Variants in LRP1B observed in about 807,000 individuals in gnomAD.
LRP1B encodes the protein LDL receptor related protein 1B.
LRP1B carries 217 observed loss-of-function variants against 556.6 expected under a neutral mutation model. That is an observed-to-expected ratio of 0.39 (90% confidence interval 0.35 to 0.44). LRP1B has a LOEUF of 0.44. Among genes scored for constraint, LRP1B ranks in the 20% least tolerant of loss-of-function variants. The probability of loss-of-function intolerance (pLI) is 1.00; values close to 1 mark genes in which losing one functional copy is unlikely to be tolerated. For synonymous variants in LRP1B, 2,047 were observed against 1,865.8 expected (o/e 1.10, Z -2.50); for missense variants, 5,053 against 5,620.8 (o/e 0.90, Z 3.23).
At chr2:142,019,777 T>G (rs753281155) in intron 1 of LRP1B, among the ~76,000 whole-genome samples, 4 of 152,296 alleles carry the variant, frequency 2.6e-5, no homozygotes, top group Admixed American at 6.5e-5. Flanking sequence ...TGGATTACTC[T>G]GCCCCAGCCA....
At chr2:141,242,923 A>G (rs1203621226) in intron 5 of LRP1B, among the ~76,000 whole-genome samples, 1 of 152,124 alleles carries the variant, frequency 6.6e-6, no homozygotes, top group African/African-American at 2.4e-5. Context: ...CAAGTTCTAC[A>G]TGAGCCTGCT....
intron 1 of LRP1B, among the ~76,000 whole-genome samples, chr2:141,969,949 T>C (rs564156539): frequency 3.3e-5 from 5 of 151,772 alleles, no homozygotes; most frequent in African/African-American, 1.2e-4. Flanking sequence ...CACTTATCTT[T>C]CATCTTTTTG....
At chr2:141,231,798 T>A (rs1187879515) in intron 5 of LRP1B, among the ~76,000 whole-genome samples, 1 of 152,158 alleles carries the variant, frequency 6.6e-6, no homozygotes, top group Admixed American at 6.5e-5. Context: ...CCTGTCTGCC[T>A]TTAACAAGAC....
intron 2 of LRP1B, among the ~76,000 whole-genome samples, chr2:141,644,968 CAT>C (rs1299732910): frequency 6.6e-6 from 1 of 152,076 alleles, no homozygotes; most frequent in African/African-American, 2.4e-5. Flanking sequence ...TTTAGGGAAA[CAT>C]AGCCTTTGAG....
At position 140,868,132 on chromosome 2, in the gene LRP1B, T is replaced by C; in HGVS notation, c.4301A>G (p.His1434Arg). The C allele has an allele frequency of 6.2e-7, 1 of 1,607,980 alleles. No homozygotes were observed. Among genetic ancestry groups the C allele is most frequent in the Non-Finnish European group, 8.5e-7 (1 of 1,177,648 alleles). The change falls in exon 26 of 91, where the codon CAC becomes CGC. Residue 1434 changes from histidine (H) to arginine (R), a missense_variant. Physicochemically the swap from His to Arg is conservative, Grantham distance 29 (BLOSUM62 0). Transcript: ENST00000389484. ...TGTCCACACTATCCTTTTCTCAAAGTGGTCCACAGTTAGTCCATTAGGCCA... is the reference window on the plus strand; with the variant it reads ...TGTCCACACTATCCTTTTCTCAAAGCGGTCCACAGTTAGTCCATTAGGCCA... ...GAWPNGLTVD[H>R]FEKRIVWTDA...
Position 140,883,995 on chromosome 2 carries a change from C to T in LRP1B, c.3991G>A (p.Glu1331Lys), listed in dbSNP as rs762656238. 6.8e-6 allele frequency: 11 copies of T among 1,612,612 alleles called. No individual in the cohort carries two copies. In the African/African-American group the frequency reaches 8.0e-5, roughly 12 times the overall value. Residue 1331 changes from glutamate to lysine, a missense_variant, in exon 25 of 91, where the codon GAG becomes AAG. By Grantham distance (56) the Glu-to-Lys change is moderately conservative. This residue lies in a region of LRP1B where 3,619 missense variants were observed against 3,931.9 expected (regional missense o/e 0.92). Coordinates refer to ENST00000389484, the MANE Select transcript of LRP1B (RefSeq NM_018557.3). ...GGVSAIEVVVEHGLATPEGLT... is the reference protein window; with the variant it reads ...GGVSAIEVVVKHGLATPEGLT... ...CCTTCTGGAGTAGCCAGGCCATGCT[C>T]CACAACCACTTCAATGGCACTGACA...
chr2:140,261,094 T>C (rs1681917310), intron 86 of LRP1B, among the ~76,000 whole-genome samples: 1 of 151,508 alleles, frequency 6.6e-6, no homozygotes, highest in Non-Finnish European at 1.5e-5. Context: ...AGAAAGGAGA[T>C]GTTAACAGTG....
intron 3 of LRP1B, chr2:141,286,731 A>G: frequency 2.2e-6 from 1 of 447,082 alleles, no homozygotes; most frequent in Non-Finnish European, 4.5e-6. Context: ...TTATTCAATG[A>G]ATTTGTACAT....
chr2:140,990,520 T>C (rs1429368), intron 16 of LRP1B, among the ~76,000 whole-genome samples: 64,555 of 151,564 alleles, frequency 0.43, 14,639 homozygotes, highest in East Asian at 0.61. Context: ...GCATCACTTG[T>C]GACCTAGAGT....
intron 66 of LRP1B, among the ~76,000 whole-genome samples, chr2:140,429,870 C>CA (rs1685841897): frequency 6.6e-6 from 1 of 151,894 alleles, no homozygotes; most frequent in Admixed American, 6.6e-5. Context: ...TCACAACTTC[C>CA]AAAATCTATT....
chr2:141,697,764 C>T (rs1322880429), intron 2 of LRP1B, among the ~76,000 whole-genome samples: 2 of 151,902 alleles, frequency 1.3e-5, no homozygotes, highest in Non-Finnish European at 2.9e-5. Context: ...CTATAAGAAA[C>T]AATTGGCTCC....
At chr2:140,966,975 G>T (rs946215043) in intron 18 of LRP1B, among the ~76,000 whole-genome samples, 1 of 152,112 alleles carries the variant, frequency 6.6e-6, no homozygotes, top group Non-Finnish European at 1.5e-5. Context: ...GTCAGGTAGA[G>T]TGATGCCTCC....
chr2:141,702,139 A>G (rs1273019652), intron 2 of LRP1B, among the ~76,000 whole-genome samples: 3 of 151,902 alleles, frequency 2.0e-5, no homozygotes, highest in Non-Finnish European at 4.4e-5. Flanking sequence ...AGGTATTTTA[A>G]GTGGGCGACA....
intron 1 of LRP1B, among the ~76,000 whole-genome samples, chr2:141,838,399 A>T (rs998371627): frequency 5.9e-5 from 9 of 152,116 alleles, no homozygotes; most frequent in Non-Finnish European, 1.2e-4. Flanking sequence ...TTCCTGTACT[A>T]ACTTTTGCAT....
intron 1 of LRP1B, among the ~76,000 whole-genome samples, chr2:141,930,110 G>A (rs937304979): frequency 6.6e-6 from 1 of 151,720 alleles, no homozygotes; most frequent in African/African-American, 2.4e-5. Context: ...CCAGGAACCC[G>A]TGGCACATTC....
intron 1 of LRP1B, among the ~76,000 whole-genome samples, chr2:142,014,967 CA>C (rs1703074214): frequency 6.6e-6 from 1 of 152,012 alleles, no homozygotes; most frequent in African/African-American, 2.4e-5. Flanking sequence ...AAATAAAAAT[CA>C]AAAGATTCTA....
chr2:141,590,411 A>G (rs958893275), intron 2 of LRP1B, among the ~76,000 whole-genome samples: 4 of 152,154 alleles, frequency 2.6e-5, no homozygotes, highest in South Asian at 2.1e-4. Flanking sequence ...TTATACATAT[A>G]AAAATACTTG....
chr2:141,176,515 T>G (rs1441492638), intron 7 of LRP1B, among the ~76,000 whole-genome samples: 1 of 152,044 alleles, frequency 6.6e-6, no homozygotes, highest in East Asian at 1.9e-4. Context: ...CTGTGCCTAC[T>G]GCCATGATTG....
chr2:141,077,967 A>ATT (rs1346125466), intron 7 of LRP1B, among the ~76,000 whole-genome samples: 1 of 130,212 alleles, frequency 7.7e-6, no homozygotes, highest in African/African-American at 2.8e-5. Flanking sequence ...TTCAGGTAGG[A>ATT]ATTTTTTTTT....
Sources: gnomAD v4.1 joint callset for allele counts (sites outside exome capture counted in the v4.1 genomes callset) on GRCh38, gnomAD v4.1.1 for gene constraint, gnomAD v4.1.1 regional missense constraint, MANE v1.5 for transcripts, NCBI Gene and HGNC (gene_info 2026-07-23, HGNC 2026-07-21) for gene names.